The following HYDIN variants were observed in gnomAD, a reference collection of about 807,000 sequenced individuals.
The protein encoded by HYDIN is axonemal central pair apparatus protein HYDIN.
HYDIN carries 132 observed loss-of-function variants against 403.9 expected under a neutral mutation model. The observed-to-expected ratio is 0.33, with a 90% CI of 0.28 to 0.38. The LOEUF is 0.38. Among genes scored for constraint, HYDIN ranks in the 10% least tolerant of loss-of-function variants. The pLI is 1.00. For missense variants in HYDIN, 2,827 were observed against 5,009.5 expected, an observed-to-expected ratio of 0.56 and a Z score of 13.15; for synonymous variants, 1,202 against 1,891.7, an observed-to-expected ratio of 0.64 and a Z score of 9.46.
chr16:71,070,994 T>C (rs1049736877), intron 13 of HYDIN, among the ~76,000 whole-genome samples: 6 of 152,152 alleles, frequency 3.9e-5, no homozygotes, highest in Non-Finnish European at 8.8e-5. Context: ...GGGTTATTCT[T>C]GGAAATTCCA....
At chr16:71,070,508 T>C (rs71263966) in intron 13 of HYDIN, among the ~76,000 whole-genome samples, 9,014 of 140,016 alleles carry the variant, frequency 0.064, 389 homozygotes, top group Non-Finnish European at 0.093. Context: ...TTTGTATTTT[T>C]AGTAGAGATG....
At chr16:70,881,623 A>C (rs1342308253) in intron 60 of HYDIN, among the ~76,000 whole-genome samples, 3 of 142,612 alleles carry the variant, frequency 2.1e-5, no homozygotes, top group East Asian at 2.0e-4. Flanking sequence ...AAAAAAAAAA[A>C]CTCAGAGAAT....
intron 73 of HYDIN, among the ~76,000 whole-genome samples, chr16:70,850,994 A>T (rs1280808371): frequency 6.6e-6 from 1 of 152,096 alleles, no homozygotes; most frequent in East Asian, 1.9e-4. Flanking sequence ...CCAGAAGAAT[A>T]AAATAGGACC....
chr16:71,116,449 C>T (rs78922431), intron 9 of HYDIN, among the ~76,000 whole-genome samples: 125 of 152,304 alleles, frequency 8.2e-4, no homozygotes, highest in African/African-American at 2.9e-3. Flanking sequence ...ACTTCGGTTG[C>T]TTCCACAGCT....
chr16:70,836,207 T>C (rs2037415304), intron 77 of HYDIN, among the ~76,000 whole-genome samples: 1 of 152,142 alleles, frequency 6.6e-6, no homozygotes, highest in African/African-American at 2.4e-5. Flanking sequence ...GAGTGTGGAA[T>C]TGGGGAACAA....
chr16:71,042,610 C>T (rs1215181316), intron 18 of HYDIN, among the ~76,000 whole-genome samples: 1 of 152,132 alleles, frequency 6.6e-6, no homozygotes, highest in South Asian at 2.1e-4. Flanking sequence ...TCTATGACGA[C>T]GTTTCCCTTC....
At chr16:70,932,500 G>A (rs541917466) in intron 45 of HYDIN, among the ~76,000 whole-genome samples, 2 of 152,130 alleles carry the variant, frequency 1.3e-5, no homozygotes, top group Admixed American at 6.5e-5. Flanking sequence ...TTTTGCAGGG[G>A]CAGGTAGGCA....
intron 47 of HYDIN, among the ~76,000 whole-genome samples, chr16:70,916,810 C>G (rs1426994363): frequency 6.6e-6 from 1 of 152,106 alleles, no homozygotes. Context: ...TCTTAAGTGC[C>G]ATTTCTTTTT....
chr16:71,103,178 T>A (rs1422158123), intron 10 of HYDIN, among the ~76,000 whole-genome samples: 1 of 46,120 alleles, frequency 2.2e-5, no homozygotes, highest in Non-Finnish European at 3.4e-5. Context: ...GGTAGTGTGG[T>A]ACAGGACAGG....
intron 18 of HYDIN, among the ~76,000 whole-genome samples, chr16:71,052,085 A>G (rs2081671614): frequency 1.3e-5 from 2 of 152,290 alleles, no homozygotes; most frequent in Non-Finnish European, 2.9e-5. Context: ...TTTTCTAGGT[A>G]TGCAAATTTG....
intron 7 of HYDIN, among the ~76,000 whole-genome samples, chr16:71,151,258 CAGAT>C (rs1288706825): frequency 6.6e-6 from 1 of 152,058 alleles, no homozygotes; most frequent in African/African-American, 2.4e-5. Context: ...ATAGACAAAA[CAGAT>C]AGACCACATC....
rs553440806 is a variant in HYDIN, at chr16:70,933,880, C to A, written c.7158+2072G>T. Among the ~76,000 whole-genome samples the A allele has an allele frequency of 8.5e-5, 13 of 152,182 alleles. No individual in the cohort carries two copies. In the East Asian group the frequency reaches 2.5e-3, roughly 29 times the overall value. The stretch of plus-strand genomic sequence containing the variant: ...GACTCCCCTCCTCTCTTCCTCCAAC[C>A]CATTATGTATGATCAGGTAGCACTG... On this transcript the variant is annotated intron_variant, in intron 45 of 85. Coordinates refer to ENST00000393567, the MANE Select transcript of HYDIN (RefSeq NM_001270974.2).
chr16:70,972,194 TA>T (rs1435259601), intron 35 of HYDIN, among the ~76,000 whole-genome samples: 1 of 127,052 alleles, frequency 7.9e-6, no homozygotes, highest in Non-Finnish European at 1.6e-5. Context: ...AAGATTTTGA[TA>T]ATGATAAAAA....
intron 44 of HYDIN, among the ~76,000 whole-genome samples, chr16:70,937,086 G>A (rs1052609980): frequency 2.1e-4 from 32 of 152,150 alleles, no homozygotes; most frequent in Non-Finnish European, 7.3e-5. Context: ...TGGTTGCCAT[G>A]GCTCTCTGCC....
At chr16:71,176,048 G>A (rs1036264514) in intron 4 of HYDIN, among the ~76,000 whole-genome samples, 7 of 152,082 alleles carry the variant, frequency 4.6e-5, no homozygotes, top group East Asian at 1.9e-4. Context: ...TGGCTCACCC[G>A]TTATCCCAGC....
intron 41 of HYDIN, among the ~76,000 whole-genome samples, chr16:70,947,760 G>T (rs1413392265): frequency 1.3e-5 from 2 of 152,076 alleles, no homozygotes; most frequent in African/African-American, 4.8e-5. Context: ...GGACGTGAAG[G>T]ACCTCTTCAA....
At chr16:71,046,547 C>T (rs1355147462) in intron 18 of HYDIN, among the ~76,000 whole-genome samples, 2 of 151,972 alleles carry the variant, frequency 1.3e-5, no homozygotes. Flanking sequence ...TTCATTGCAA[C>T]TGACATTAAA....
intron 10 of HYDIN, among the ~76,000 whole-genome samples, chr16:71,110,380 TAC>T (rs1197020637): frequency 7.3e-6 from 1 of 137,024 alleles, no homozygotes; most frequent in Non-Finnish European, 1.5e-5. Flanking sequence ...TAAAATAAAA[TAC>T]ATATATTTTA....
chr16:70,962,636 T>C (rs1201274573), intron 37 of HYDIN, among the ~76,000 whole-genome samples: 2 of 150,078 alleles, frequency 1.3e-5, no homozygotes, highest in African/African-American at 4.9e-5. Context: ...GGGACAGCTA[T>C]CCTTTCGTTG....
Sources: gnomAD v4.1 joint callset for allele counts (sites outside exome capture counted in the v4.1 genomes callset) on GRCh38, gnomAD v4.1.1 for gene constraint, MANE v1.5 for transcripts, NCBI Gene and HGNC (gene_info 2026-07-23, HGNC 2026-07-21) for gene names.